EPSTI1: variants seen among roughly 807,000 people sequenced by gnomAD.
EPSTI1 encodes epithelial-stromal interaction protein 1.
A neutral mutation model predicts 49.9 loss-of-function variants in EPSTI1; 66 were observed. That is an observed-to-expected ratio of 1.32 (90% CI 1.08 to 1.62). The LOEUF (loss-of-function observed/expected upper bound fraction) is 1.62. Among genes scored for constraint, EPSTI1 ranks in the 40% most tolerant of loss-of-function variants. The probability of loss-of-function intolerance (pLI) is 0.00; values close to 1 mark genes in which losing one functional copy is unlikely to be tolerated. For synonymous variants in EPSTI1, 137 were observed against 130.7 expected, an observed-to-expected ratio of 1.05 and a Z score of -0.33; for missense variants, 394 against 365.5, an observed-to-expected ratio of 1.08 and a Z score of -0.64.
At chr13:42,975,569 A>G (rs1309898893) in intron 1 of EPSTI1, among the ~76,000 whole-genome samples, 1 of 152,212 alleles carries the variant, frequency 6.6e-6, no homozygotes, top group Non-Finnish European at 1.5e-5. Context: ...TGAGAGGCAT[A>G]CACACCCAGG....
chr13:42,992,189 G>T lies in EPSTI1; in HGVS notation c.-24C>A. The stretch of plus-strand genomic sequence containing the variant: ...ATGGTTCACAGCCCGCGGGTCCCGG[G>T]CCGCCGTCGCTGCGGGAGGGATGCG... On this transcript the variant is annotated 5_prime_UTR_variant, in exon 1 of 11. Transcript: ENST00000313624. The T allele has an allele frequency of 2.0e-6, 3 of 1,518,924 alleles. No individual in the cohort carries two copies. Among genetic ancestry groups the T allele is most frequent in the Non-Finnish European group, 2.6e-6 (3 of 1,134,486 alleles). The allele number at this position is 1,518,924 out of a possible 1,614,324, so 94.1% of individuals were successfully genotyped here.
intron 1 of EPSTI1, among the ~76,000 whole-genome samples, chr13:42,988,458 C>T (rs970542386): frequency 2.0e-5 from 3 of 152,058 alleles, no homozygotes; most frequent in South Asian, 2.1e-4. Flanking sequence ...CTTGGCCAGG[C>T]GCGGTGGCTC....
At position 42,985,711 on chromosome 13, in the gene EPSTI1, A is replaced by G. The variant is rs2040065820; in HGVS notation, c.188+6267T>C. 2.0e-5 allele frequency among the ~76,000 whole-genome samples: 3 copies of G among 152,212 alleles called. 1 individual carries two copies. In the South Asian group the frequency reaches 6.2e-4, roughly 32 times the overall value. ...CTAGCACTAAAACCATCCCAAGAAA[A>G]TTGTATAAAATTGAGCAAGAGAAAA... On this transcript the variant is annotated intron_variant, in intron 1 of 10. Transcript: ENST00000313624.
At position 42,934,927 on chromosome 13, in the gene EPSTI1, T is replaced by G. The variant is rs139914354; in HGVS notation, c.564-8498A>C. ...CACTGCCTTTTAAATATAGTATGCATTTATTATTTAAGAAAAAACCTTCAG... is the reference window on the plus strand; with the variant it reads ...CACTGCCTTTTAAATATAGTATGCAGTTATTATTTAAGAAAAAACCTTCAG... On this transcript the variant is annotated intron_variant, in intron 6 of 10. Coordinates refer to ENST00000313624, the MANE Select transcript of EPSTI1 (RefSeq NM_033255.5). 5.4e-3 allele frequency: 861 copies of G among 159,582 alleles called. 13 individuals are homozygous for G. Among genetic ancestry groups the G allele is most frequent in the African/African-American group, 0.019 (809 of 41,838 alleles). The allele number at this position is 159,582 out of a possible 1,614,324, so 9.9% of individuals were successfully genotyped here.
intron 6 of EPSTI1, among the ~76,000 whole-genome samples, chr13:42,950,440 A>G (rs1017615318): frequency 6.6e-6 from 1 of 152,254 alleles, no homozygotes; most frequent in African/African-American, 2.4e-5. Flanking sequence ...TACACTCAGG[A>G]GAGTCCCTTT....
chr13:42,904,266 A>T (rs1338681788), intron 8 of EPSTI1, among the ~76,000 whole-genome samples: 4 of 152,242 alleles, frequency 2.6e-5, no homozygotes, highest in African/African-American at 7.2e-5. Context: ...CAATAAGGAA[A>T]AAACAACCAA....
intron 6 of EPSTI1, chr13:42,934,791 CA>C: frequency 5.0e-6 from 1 of 199,484 alleles, no homozygotes; most frequent in East Asian, 1.2e-4. Flanking sequence ...AGGAAAGCTC[CA>C]AATCTACCAG....
At chr13:42,969,811 AT>A (rs2039722543) in intron 2 of EPSTI1, 1 of 152,318 alleles carries the variant, frequency 6.6e-6, no homozygotes, top group Non-Finnish European at 1.5e-5. Context: ...GCCTCCCCTT[AT>A]CTCCTCATGA....
chr13:42,931,355 G>C (rs991044330), intron 6 of EPSTI1, among the ~76,000 whole-genome samples: 1 of 151,704 alleles, frequency 6.6e-6, no homozygotes, highest in Non-Finnish European at 1.5e-5. Context: ...ACAGGCGCCC[G>C]CCACCGCGCC....
chr13:42,968,840 G>T (rs1482480165), intron 3 of EPSTI1, among the ~76,000 whole-genome samples: 1 of 150,476 alleles, frequency 6.6e-6, no homozygotes, highest in Non-Finnish European at 1.5e-5. Flanking sequence ...AAATTATTTG[G>T]CAATTAAGCC....
At chr13:42,991,862 CA>C in intron 1 of EPSTI1, 115 bp downstream of exon 1, 2 of 1,180,884 alleles carry the variant, frequency 1.7e-6, no homozygotes, top group Non-Finnish European at 2.4e-6. Flanking sequence ...TTCATTCAGT[CA>C]AAATCCCTGT....
chr13:42,970,709 A>G, intron 1 of EPSTI1, 39 bp from the exon 2 acceptor site: 1 of 1,536,586 alleles, frequency 6.5e-7, no homozygotes, highest in Non-Finnish European at 8.9e-7. Flanking sequence ...TTACCATGAG[A>G]AACTACCAAT....
chr13:42,948,742 G>T (rs1282625425), intron 6 of EPSTI1, among the ~76,000 whole-genome samples: 2 of 152,176 alleles, frequency 1.3e-5, no homozygotes, highest in East Asian at 3.8e-4. Context: ...CTCCCAAAGT[G>T]CTGGGATTAC....
intron 9 of EPSTI1, among the ~76,000 whole-genome samples, chr13:42,898,316 G>C (rs2037255233): frequency 6.6e-6 from 1 of 152,196 alleles, no homozygotes; most frequent in Non-Finnish European, 1.5e-5. Context: ...TTGTTGCCTT[G>C]AGTAAGAATG....
Position 42,967,324 on chromosome 13 carries a change from G to T in EPSTI1, c.331+1770C>A, listed in dbSNP as rs1457205374. Among the ~76,000 whole-genome samples the T allele has an allele frequency of 8.7e-5, 13 of 149,882 alleles. 1 individual carries two copies. The highest frequency in any genetic ancestry group is 3.2e-4 in the African/African-American group (13 of 40,784). On this transcript the variant is annotated intron_variant, in intron 3 of 10. Coordinates refer to ENST00000313624, the MANE Select transcript of EPSTI1 (RefSeq NM_033255.5). Reference sequence around the variant, plus strand: ...AAAAAAAAAAAAAGAAAATCAGCTGGAGACCTCAACCTGCATTTTTAAGAG... The same window carrying T: ...AAAAAAAAAAAAAGAAAATCAGCTGTAGACCTCAACCTGCATTTTTAAGAG...
chr13:42,895,744 C>T (rs775261759), intron 9 of EPSTI1, among the ~76,000 whole-genome samples: 15 of 152,300 alleles, frequency 9.8e-5, no homozygotes, highest in Non-Finnish European at 1.2e-4. Context: ...CAGGTAACGT[C>T]GTGCTCTGAG....
At chr13:42,970,692 A>T (rs1430515438) in intron 1 of EPSTI1, 22 bp from the exon 2 acceptor site, 2 of 1,463,762 alleles carry the variant, frequency 1.4e-6, no homozygotes, top group Non-Finnish European at 1.9e-6. Flanking sequence ...AGAAAAAAAA[A>T]TGCTTATTAC....
chr13:42,914,524 C>T (rs1259602419), intron 8 of EPSTI1, among the ~76,000 whole-genome samples: 3 of 152,108 alleles, frequency 2.0e-5, no homozygotes, highest in Admixed American at 6.5e-5. Context: ...GACCACCAAA[C>T]TGTATGTTCA....
chr13:42,975,194 A>C (rs2039857532), intron 1 of EPSTI1, among the ~76,000 whole-genome samples: 1 of 152,216 alleles, frequency 6.6e-6, no homozygotes. Flanking sequence ...TTGAGTCAAA[A>C]CTTTTGAGGC....
Sources: allele counts gnomAD v4.1 joint callset (sites outside exome capture counted in the v4.1 genomes callset), GRCh38; gene constraint gnomAD v4.1.1; transcripts MANE v1.5; gene names NCBI Gene and HGNC (gene_info 2026-07-23, HGNC 2026-07-21).